LAMA5: variants seen among roughly 807,000 people sequenced by gnomAD.
LAMA5 encodes laminin subunit alpha 5, also known as laminin subunit alpha-5.
Under a neutral mutation model 433.4 loss-of-function variants are expected in LAMA5, and 260 were observed. The observed-to-expected ratio is 0.60, with a 90% CI of 0.54 to 0.66. The LOEUF (loss-of-function observed/expected upper bound fraction) is 0.66. LAMA5 is among the 30% of genes least tolerant of loss of function. The probability of loss-of-function intolerance (pLI) is 0.00; values close to 1 mark genes in which losing one functional copy is unlikely to be tolerated. For missense variants in LAMA5, 5,378 were observed against 5,258.5 expected (o/e 1.02, Z -0.70); for synonymous variants, 2,620 against 2,226.6 (o/e 1.18, Z -4.97).
intron 55 of LAMA5, 38 bp downstream of exon 55, chr20:62,317,307 A>G (rs1210463251): frequency 1.3e-5 from 20 of 1,554,876 alleles, no homozygotes; most frequent in Non-Finnish European, 1.7e-5. Context: ...CTGCATCCCC[A>G]GGGTGGGCCC....
intron 53 of LAMA5, 148 bp downstream of exon 53, chr20:62,318,306 A>AGTGGAGGAGGGGGGAG: frequency 6.1e-6 from 1 of 164,164 alleles, no homozygotes; most frequent in East Asian, 6.3e-5. Flanking sequence ...GAGGGGGGGA[A>AGTGGAGGAGGGGGGAG]GAAGAGGAGG....
chr20:62,362,729 C>T (rs1182949193), intron 1 of LAMA5, among the ~76,000 whole-genome samples, 177 bp from the exon 2 acceptor site: 3 of 152,184 alleles, frequency 2.0e-5, no homozygotes, highest in Non-Finnish European at 2.9e-5. Context: ...GCTGCTCCTC[C>T]GACTCAGGGG....
intron 2 of LAMA5, among the ~76,000 whole-genome samples, chr20:62,358,634 G>A (rs1985594288): frequency 1.3e-5 from 2 of 152,240 alleles, no homozygotes; most frequent in South Asian, 2.1e-4. Flanking sequence ...TCCTCCTGCG[G>A]TGCTCCTCCC....
intron 52 of LAMA5, 67 bp from the exon 53 acceptor site, chr20:62,318,717 C>A: frequency 6.3e-7 from 1 of 1,579,080 alleles, no homozygotes; most frequent in South Asian, 1.1e-5. Context: ...CTGGTCTCCA[C>A]TTGGTGCCCG....
rs374982041 is a variant in LAMA5, at chr20:62,324,196, C to T, written c.5652G>A (p.Gln1884=). Residue 1884 remains glutamine, a synonymous_variant, in exon 43 of 80, where the codon CAG becomes CAA. Transcript: ENST00000252999. This position sits in a 1 kb window ranked among gnomAD's most constrained non-coding sequence, Gnocchi z 4.4. The stretch of plus-strand genomic sequence containing the variant: ...CACAGTGGGCCCCTTCGGTGTTGTG[C>T]TGGCAGTCCTGGGGCAGAGTGGACA... ...LPGSGVCVDC[Q]HNTEGAHCER... 2 of 1,577,016 alleles carry T rather than the reference C, an allele frequency of 1.3e-6. No individual in the cohort carries two copies. Among genetic ancestry groups the T allele is most frequent in the East Asian group, 2.2e-5 (1 of 44,546 alleles).
chr20:62,357,236 C>T (rs1481256493), intron 2 of LAMA5, among the ~76,000 whole-genome samples: 3 of 152,192 alleles, frequency 2.0e-5, no homozygotes, highest in South Asian at 2.1e-4. Flanking sequence ...CAGCCTTCCC[C>T]GGCAGCCTGG....
intron 2 of LAMA5, chr20:62,356,098 G>C (rs74688881): frequency 6.6e-6 from 1 of 152,244 alleles, no homozygotes; most frequent in Non-Finnish European, 1.5e-5. Context: ...AGCAGGATGA[G>C]GGGGACACAG....
intron 11 of LAMA5, among the ~76,000 whole-genome samples, chr20:62,341,003 G>A (rs1005029958): frequency 1.3e-5 from 2 of 151,706 alleles, no homozygotes; most frequent in Non-Finnish European, 2.9e-5. Flanking sequence ...CGTGCAACTG[G>A]ACGCCAGCCT....
intron 11 of LAMA5, among the ~76,000 whole-genome samples, chr20:62,344,490 C>T (rs762803312): frequency 2.0e-5 from 3 of 151,892 alleles, no homozygotes; most frequent in Admixed American, 6.6e-5. Context: ...GATGGAGTCT[C>T]GCTCTGTCAC....
At chr20:62,364,660 C>G (rs537166680) in intron 1 of LAMA5, among the ~76,000 whole-genome samples, 2 of 152,348 alleles carry the variant, frequency 1.3e-5, no homozygotes, top group East Asian at 3.9e-4. Flanking sequence ...GCCCAGTCCC[C>G]ACCTTCCCAG....
intron 1 of LAMA5, among the ~76,000 whole-genome samples, chr20:62,365,268 A>G (rs631664): frequency 0.96 from 145,965 of 152,342 alleles, 69,961 homozygotes; most frequent in East Asian, 1. Flanking sequence ...AACTGTGGCC[A>G]CTTCCCAGGC....
chr20:62,333,505 G>C, intron 24 of LAMA5, 24 bp from the exon 25 acceptor site: 2 of 1,602,068 alleles, frequency 1.2e-6, no homozygotes, highest in South Asian at 2.2e-5. Flanking sequence ...GTGGTGCTGA[G>C]AGTGGTGGGC....
At position 62,333,589 on chromosome 20, in the gene LAMA5, C is replaced by T. The variant is rs563915762; in HGVS notation, c.2996G>A (p.Arg999His). 4.1e-5 allele frequency: 65 copies of T among 1,569,910 alleles called. No individual in the cohort carries two copies. In the Admixed American group the frequency reaches 6.8e-4, roughly 16 times the overall value. The stretch of plus-strand genomic sequence containing the variant: ...CAGGAGCACCCCTTCGGCCTCCACA[C>T]GCAGGGCCCAGGTGCCAGGGTTCAG... The part of the protein sequence containing the change: ...FVLNPGTWAL[R>H]VEAEGVLLDY... The change falls in exon 24 of 80, where the codon CGT becomes CAT. Residue 999 changes from arginine to histidine, a missense_variant. Transcript: ENST00000252999.
rs1186238454 is a variant in LAMA5 at position 62,336,763 on chromosome 20, G to A, written c.2188C>T (p.Leu730=). ...CEAGSCHPAG[L]APVDPALPEA... is the part of the protein sequence containing the mutation. ...GGAAGGGCAGGATCCACTGGGGCCA[G>A]ACCGGCAGGGTGGCAAGAGCCAGCT... Residue 730 remains leucine, a synonymous_variant, in exon 17 of 80, where the codon CTG becomes TTG. Coordinates refer to ENST00000252999, the MANE Select transcript of LAMA5 (RefSeq NM_005560.6). 2 of 1,612,888 alleles carry A rather than the reference G, an allele frequency of 1.2e-6. No homozygotes were observed. Among genetic ancestry groups the A allele is most frequent in the Non-Finnish European group, 1.7e-6 (2 of 1,180,004 alleles).
In LAMA5 at chr20:62,330,565, A is replaced by C. The variant is rs1246816343; in HGVS notation, c.3902T>G (p.Phe1301Cys). Residue 1301 changes from phenylalanine to cysteine, a missense_variant, in exon 31 of 80, where the codon TTC becomes TGC. Phe to Cys is a radical substitution (Grantham distance 205, BLOSUM62 -2). Transcript: ENST00000252999. The stretch of plus-strand genomic sequence containing the variant: ...GGCTGGCTGGTAGCCGTGCAGCAGG[A>C]AGGCATAGCGGCCCAGCGTGGGCAC... ...THVPTLGRYA[F>C]LLHGYQPAHP... 2 of 1,592,614 alleles carry C rather than the reference A, an allele frequency of 1.3e-6. No individual in the cohort carries two copies. The highest frequency in any genetic ancestry group is 1.1e-5 in the South Asian group (1 of 87,234).
chr20:62,324,669 G>C lies in LAMA5; in HGVS notation c.5530-115C>G. ...TGCAGGCACGAGGCACTGGGAACCC[G>C]TGGAGCATGGTCACCGCTGGGTCAG... On this transcript the variant is annotated intron_variant, in intron 41 of 79. Transcript: ENST00000252999. The surrounding 1 kb of genome is among the most constrained non-coding windows in gnomAD (Gnocchi z 4.4). The C allele has an allele frequency of 1.4e-6, 1 of 698,582 alleles. No homozygotes were observed. 43.3% of individuals were successfully genotyped at this position (698,582 alleles called of 1,614,324 possible). A position where few individuals can be genotyped will look rare whatever the true frequency, so the allele number is the denominator to read the frequency against.
intron 2 of LAMA5, among the ~76,000 whole-genome samples, chr20:62,360,269 A>G (rs75695860): frequency 0.04 from 4,105 of 102,816 alleles, 362 homozygotes; most frequent in African/African-American, 0.16. Flanking sequence ...ACAGGTGGAC[A>G]GATGGATGGA....
At chr20:62,346,050 GTC>G (rs762302760) in intron 10 of LAMA5, 29 bp downstream of exon 10, 2 of 1,611,268 alleles carry the variant, frequency 1.2e-6, no homozygotes, top group Non-Finnish European at 1.7e-6. Flanking sequence ...AGGCAGTGGT[GTC>G]TGTTTGGATG....
chr20:62,367,162 C>T lies in LAMA5; in HGVS notation c.84G>A (p.Ala28=), dbSNP rs1331760943. ...GPAPLLLVGL[A]LLGAARAREE... ...CCCGCGCCCGCGCCGCGCCCAGCAG[C>T]GCCAGCCCGACCAGCAGCAGCGGCG... Residue 28 remains alanine (A), a synonymous_variant, in exon 1 of 80, where the codon GCG becomes GCA. Coordinates refer to ENST00000252999, the MANE Select transcript of LAMA5 (RefSeq NM_005560.6). 4.0e-6 allele frequency: 5 copies of T among 1,254,534 alleles called. No individual in the cohort carries two copies. The highest frequency in any genetic ancestry group is 8.2e-5 in the Admixed American group (2 of 24,412). The allele number at this position is 1,254,534 out of a possible 1,614,324, so 77.7% of individuals were successfully genotyped here.
Sources: gnomAD v4.1 joint callset for allele counts (sites outside exome capture counted in the v4.1 genomes callset) on GRCh38, gnomAD v4.1.1 for gene constraint, Gnocchi (gnomAD v3.1) non-coding constraint, MANE v1.5 for transcripts, NCBI Gene and HGNC (gene_info 2026-07-23, HGNC 2026-07-21) for gene names.